Variants in SPAG9 observed in about 807,000 individuals in gnomAD.
The protein encoded by SPAG9 is sperm associated antigen 9.
In SPAG9, 35 loss-of-function variants were observed where a neutral mutation model predicts 166.5. That is an observed-to-expected ratio of 0.21 (90% CI 0.16 to 0.28). The LOEUF (loss-of-function observed/expected upper bound fraction) is 0.28. SPAG9 is among the 10% of genes least tolerant of loss of function. The pLI is 1.00. For synonymous variants in SPAG9, 534 were observed against 565.5 expected (o/e 0.94, Z 0.79); for missense variants, 1,235 against 1,603.3 (o/e 0.77, Z 3.92).
Position 50,964,840 on chromosome 17 carries a change from C to T in SPAG9, c.*1432G>A, listed in dbSNP as rs546045262. 13 of 320,480 alleles carry T rather than the reference C, an allele frequency of 4.1e-5. 1 individual carries two copies. Among genetic ancestry groups the T allele is most frequent in the South Asian group, 2.8e-4 (13 of 46,378 alleles). 19.9% of individuals were successfully genotyped at this position (320,480 alleles called of 1,614,324 possible). ...CTATCAAGGCTCACTGCAACCTCCA[C>T]CTCCTGGGCCCAGGTCATCCTCCCA... On this transcript the variant is annotated 3_prime_UTR_variant, in exon 30 of 30. Coordinates refer to ENST00000262013, the MANE Select transcript of SPAG9 (RefSeq NM_001130528.3).
intron 20 of SPAG9, chr17:50,990,152 C>T (rs540054688): frequency 1.3e-5 from 7 of 518,754 alleles, no homozygotes; most frequent in South Asian, 8.3e-5. Context: ...CTCAGCCTCC[C>T]GAGTAGCTGG....
At chr17:51,079,089 G>T (rs748673440) in intron 2 of SPAG9, among the ~76,000 whole-genome samples, 3 of 152,050 alleles carry the variant, frequency 2.0e-5, no homozygotes, top group Non-Finnish European at 4.4e-5. Flanking sequence ...TGCACACATG[G>T]GTACCATGTG....
chr17:51,036,163 C>G (rs577909055), intron 5 of SPAG9, among the ~76,000 whole-genome samples: 1 of 152,240 alleles, frequency 6.6e-6, no homozygotes, highest in East Asian at 1.9e-4. Flanking sequence ...TAGCAACAAC[C>G]CAGTCTCTCC....
intron 16 of SPAG9, 83 bp downstream of exon 16, chr17:50,996,482 G>A (rs1597945562): frequency 2.2e-5 from 33 of 1,512,580 alleles, no homozygotes; most frequent in South Asian, 2.0e-4. Flanking sequence ...GCTGGGATGC[G>A]TACAGTGAAT....
chr17:51,024,333 T>C (rs962232757), intron 6 of SPAG9, among the ~76,000 whole-genome samples: 22 of 152,190 alleles, frequency 1.4e-4, no homozygotes, highest in African/African-American at 5.1e-4. Context: ...CAATACTGTA[T>C]CACTATTAAT....
intron 1 of SPAG9, among the ~76,000 whole-genome samples, chr17:51,103,022 A>G (rs958792772): frequency 5.9e-5 from 9 of 152,166 alleles, no homozygotes; most frequent in African/African-American, 2.2e-4. Context: ...GTATAAGGCA[A>G]TGTAGGTAAA....
At chr17:51,111,808 G>A (rs1277794040) in intron 1 of SPAG9, among the ~76,000 whole-genome samples, 2 of 151,958 alleles carry the variant, frequency 1.3e-5, no homozygotes, top group African/African-American at 4.8e-5. Context: ...TCACCATGTT[G>A]GTCAGGGCTG....
intron 9 of SPAG9, among the ~76,000 whole-genome samples, chr17:51,010,426 A>C (rs1482224766): frequency 6.6e-6 from 1 of 152,152 alleles, no homozygotes; most frequent in African/African-American, 2.4e-5. Flanking sequence ...GGAGACAGAT[A>C]ACTAAAAAAT....
At chr17:51,031,899 CTAGTT>C (rs1172016667) in intron 5 of SPAG9, 177 bp from the exon 6 acceptor site, 1 of 686,430 alleles carries the variant, frequency 1.5e-6, no homozygotes, top group East Asian at 2.8e-5. Flanking sequence ...CCTTAACACT[CTAGTT>C]TAAGTAATAT....
At chr17:51,012,362 G>A (rs2045521284) in intron 9 of SPAG9, among the ~76,000 whole-genome samples, 1 of 152,022 alleles carries the variant, frequency 6.6e-6, no homozygotes. Flanking sequence ...ATGAGGTCAG[G>A]AGTTTGAGAC....
intron 14 of SPAG9, 123 bp downstream of exon 14, chr17:50,999,538 C>A: frequency 6.9e-7 from 1 of 1,456,256 alleles, no homozygotes; most frequent in Non-Finnish European, 9.2e-7. Context: ...TAACCATTAC[C>A]CCTAGTTTAA....
chr17:51,051,281 G>A (rs1343671628), intron 3 of SPAG9, among the ~76,000 whole-genome samples: 1 of 152,074 alleles, frequency 6.6e-6, no homozygotes, highest in African/African-American at 2.4e-5. Flanking sequence ...GCTAATTTTT[G>A]TATTTTTAGT....
chr17:50,979,713 G>A (rs2143694584), intron 26 of SPAG9, 33 bp downstream of exon 26: 2 of 1,588,042 alleles, frequency 1.3e-6, no homozygotes, highest in African/African-American at 1.3e-5. Context: ...CACCCTCTTT[G>A]ACTGGTAAAG....
At chr17:51,007,153 G>A in intron 10 of SPAG9, 116 bp downstream of exon 10, 1 of 555,452 alleles carries the variant, frequency 1.8e-6, no homozygotes. Context: ...ACTCAGAGTT[G>A]GGGAACGAGA....
chr17:51,058,705 T>C (rs1171643678), intron 2 of SPAG9, among the ~76,000 whole-genome samples: 1 of 152,130 alleles, frequency 6.6e-6, no homozygotes, highest in Non-Finnish European at 1.5e-5. Flanking sequence ...GTCAGGGAGA[T>C]GCACATTAAA....
At chr17:51,063,521 T>A (rs774672764) in intron 2 of SPAG9, among the ~76,000 whole-genome samples, 4 of 152,192 alleles carry the variant, frequency 2.6e-5, no homozygotes, top group Non-Finnish European at 5.9e-5. Flanking sequence ...CAGCTTTTCA[T>A]ATAAATGTAT....
chr17:51,071,637 T>C (rs2047822785), intron 2 of SPAG9, among the ~76,000 whole-genome samples: 1 of 152,230 alleles, frequency 6.6e-6, no homozygotes, highest in Non-Finnish European at 1.5e-5. Flanking sequence ...CATTGTTAAA[T>C]CATGCAACAT....
At chr17:51,091,667 G>C (rs919903869) in intron 1 of SPAG9, among the ~76,000 whole-genome samples, 1 of 151,762 alleles carries the variant, frequency 6.6e-6, no homozygotes, top group African/African-American at 2.4e-5. Context: ...TTAAGGACTA[G>C]GGGGATTAAG....
intron 22 of SPAG9, 82 bp downstream of exon 22, chr17:50,987,026 ATTTG>A: frequency 3.8e-6 from 5 of 1,331,064 alleles, no homozygotes; most frequent in East Asian, 4.8e-5. Flanking sequence ...CACTTTTTGT[ATTTG>A]TTTACCATAT....
Sources: gnomAD v4.1 joint callset for allele counts (sites outside exome capture counted in the v4.1 genomes callset) on GRCh38, gnomAD v4.1.1 for gene constraint, MANE v1.5 for transcripts, NCBI Gene and HGNC (gene_info 2026-07-23, HGNC 2026-07-21) for gene names.